The following PRKN variants were observed in gnomAD, a reference collection of about 807,000 sequenced individuals.
The protein encoded by PRKN is parkin RBR E3 ubiquitin protein ligase, also known as E3 ubiquitin-protein ligase parkin.
Under a neutral mutation model 59.5 loss-of-function variants are expected in PRKN, and 56 were observed. The observed-to-expected ratio is 0.94, with a 90% CI of 0.76 to 1.18. The LOEUF (loss-of-function observed/expected upper bound fraction) is 1.18. Among genes scored for constraint, PRKN ranks in the 50% most tolerant of loss-of-function variants. The pLI is 0.00. For synonymous variants in PRKN, 250 were observed against 222.1 expected (o/e 1.13, Z -1.12); for missense variants, 657 against 596.4 (o/e 1.10, Z -1.06).
intron 1 of PRKN, among the ~76,000 whole-genome samples, chr6:162,660,289 A>C (rs958582519): frequency 6.6e-6 from 1 of 152,188 alleles, no homozygotes; most frequent in African/African-American, 2.4e-5. Context: ...AATCACAATT[A>C]GCTGGTTCTT....
intron 7 of PRKN, among the ~76,000 whole-genome samples, chr6:161,573,645 G>A (rs1780981996): frequency 7.0e-6 from 1 of 142,462 alleles, no homozygotes; most frequent in African/African-American, 2.6e-5. Context: ...GTGTGAACCC[G>A]GCAGGCGGAG....
chr6:161,363,258 G>A lies in PRKN; in HGVS notation c.1168-3053C>T, dbSNP rs1204624638. The stretch of plus-strand genomic sequence containing the variant: ...CTCTGTCTCAAAAAAACTTAACTGA[G>A]TATAAACTAAATATGTTTGTTATAT... On this transcript the variant is annotated intron_variant, in intron 10 of 11. Coordinates refer to ENST00000366898, the MANE Select transcript of PRKN (RefSeq NM_004562.3). The surrounding 1 kb of genome is among the most constrained non-coding windows in gnomAD (Gnocchi z 4.1). Among the ~76,000 whole-genome samples the A allele has an allele frequency of 1.3e-5, 2 of 151,998 alleles. No individual in the cohort carries two copies. The highest frequency in any genetic ancestry group is 2.9e-5 in the Non-Finnish European group (2 of 68,012).
chr6:161,609,595 C>T (rs1782414358), intron 7 of PRKN, among the ~76,000 whole-genome samples: 1 of 152,136 alleles, frequency 6.6e-6, no homozygotes, highest in Admixed American at 6.5e-5. Flanking sequence ...GATGGGGCTT[C>T]GGGCAGATGG....
chr6:162,501,367 AG>A (rs1445158807), intron 1 of PRKN, among the ~76,000 whole-genome samples: 28 of 103,472 alleles, frequency 2.7e-4, no homozygotes, highest in African/African-American at 9.6e-4. Context: ...TTTTTTTTTG[AG>A]ACACAGTTTA....
intron 4 of PRKN, among the ~76,000 whole-genome samples, chr6:162,124,324 T>G (rs541284362): frequency 6.6e-6 from 1 of 152,318 alleles, no homozygotes; most frequent in East Asian, 1.9e-4. Flanking sequence ...ATGAATTCTC[T>G]ACTTAAAATT....
intron 11 of PRKN, among the ~76,000 whole-genome samples, chr6:161,351,470 G>A (rs905816223): frequency 6.6e-6 from 1 of 151,578 alleles, no homozygotes; most frequent in Non-Finnish European, 1.5e-5. Context: ...GATTACAGGC[G>A]CCCACCAACA....
At chr6:162,536,130 C>T (rs566882135) in intron 1 of PRKN, among the ~76,000 whole-genome samples, 13 of 152,214 alleles carry the variant, frequency 8.5e-5, no homozygotes, top group African/African-American at 2.6e-4. Flanking sequence ...ACCAAAGAGC[C>T]GTGGTTCTCC....
At chr6:161,857,866 A>T (rs1171906883) in intron 6 of PRKN, among the ~76,000 whole-genome samples, 1 of 152,190 alleles carries the variant, frequency 6.6e-6, no homozygotes, top group East Asian at 1.9e-4. Context: ...AACTTCATGG[A>T]GATCAAATCA....
intron 7 of PRKN, among the ~76,000 whole-genome samples, chr6:161,589,942 G>C (rs1441644702): frequency 6.6e-6 from 1 of 150,750 alleles, no homozygotes; most frequent in Non-Finnish European, 1.5e-5. Context: ...ATCATGCGCA[G>C]CTAATTTTTT....
rs1300252547 is a variant in PRKN at position 161,463,288 on chromosome 6, A to T, written c.1084-76411T>A. 6.6e-6 allele frequency among the ~76,000 whole-genome samples: 1 copy of T among 152,200 alleles called. No homozygotes were observed. The highest frequency in any genetic ancestry group is 1.9e-4 in the East Asian group (1 of 5,192). On this transcript the variant is annotated intron_variant, in intron 9 of 11. Transcript: ENST00000366898. The surrounding 1 kb of genome is among the most constrained non-coding windows in gnomAD (Gnocchi z 4.8). The stretch of plus-strand genomic sequence containing the variant: ...GACCCCTCCTCCCTTGTTACCAAGG[A>T]TGCCAAAACTTTCCCAGCTTTCAGA...
intron 2 of PRKN, among the ~76,000 whole-genome samples, chr6:162,379,543 G>T (rs1361527447): frequency 6.6e-6 from 1 of 152,122 alleles, no homozygotes; most frequent in Non-Finnish European, 1.5e-5. Flanking sequence ...TTCAGGGTCA[G>T]GCTAATCCCC....
intron 4 of PRKN, among the ~76,000 whole-genome samples, chr6:162,087,360 GA>G (rs1779285148): frequency 2.0e-5 from 3 of 152,088 alleles, no homozygotes; most frequent in Admixed American, 2.0e-4. Flanking sequence ...TTGAGAACAT[GA>G]GAATGCCCTT....
intron 1 of PRKN, among the ~76,000 whole-genome samples, chr6:162,697,378 C>G (rs1318317837): frequency 2.0e-5 from 3 of 152,076 alleles, no homozygotes; most frequent in African/African-American, 7.2e-5. Flanking sequence ...TGCTGAAACT[C>G]AGACCTTCCT....
At chr6:161,910,811 G>A (rs1458250397) in intron 6 of PRKN, among the ~76,000 whole-genome samples, 3 of 152,174 alleles carry the variant, frequency 2.0e-5, no homozygotes, top group Non-Finnish European at 4.4e-5. Context: ...TGATCAGACA[G>A]CAGCCATCAA....
intron 4 of PRKN, among the ~76,000 whole-genome samples, chr6:162,152,529 T>C (rs1001989263): frequency 6.6e-6 from 1 of 152,178 alleles, no homozygotes; most frequent in African/African-American, 2.4e-5. Flanking sequence ...TCAGGAACAG[T>C]AGTTTACAGT....
At chr6:161,944,040 AG>A (rs1562407599) in intron 6 of PRKN, among the ~76,000 whole-genome samples, 5 of 143,966 alleles carry the variant, frequency 3.5e-5, no homozygotes, top group Non-Finnish European at 3.1e-5. Flanking sequence ...AATCAGCCTG[AG>A]GGACCAGCCT....
chr6:161,719,488 A>G (rs2128184824), intron 7 of PRKN, among the ~76,000 whole-genome samples: 1 of 152,288 alleles, frequency 6.6e-6, no homozygotes. Context: ...TGTCTGCAAC[A>G]CTGCTTTCAG....
intron 10 of PRKN, among the ~76,000 whole-genome samples, chr6:161,368,067 G>C (rs2114884237): frequency 6.6e-6 from 1 of 151,862 alleles, no homozygotes; most frequent in East Asian, 2.0e-4. Context: ...AGGGCTAAGG[G>C]ACTAAGGCTA....
chr6:162,413,943 A>G (rs1037496999), intron 2 of PRKN, among the ~76,000 whole-genome samples: 21 of 152,242 alleles, frequency 1.4e-4, no homozygotes, highest in African/African-American at 4.8e-4. Flanking sequence ...GCACTTTGGG[A>G]GGCTGAGGCA....
Sources: gnomAD v4.1 joint callset for allele counts (sites outside exome capture counted in the v4.1 genomes callset) on GRCh38, gnomAD v4.1.1 for gene constraint, Gnocchi (gnomAD v3.1) non-coding constraint, MANE v1.5 for transcripts, NCBI Gene and HGNC (gene_info 2026-07-23, HGNC 2026-07-21) for gene names.